TSPAN1: variants seen among roughly 807,000 people sequenced by gnomAD.
TSPAN1 encodes tetraspanin-1.
A neutral mutation model predicts 26.9 loss-of-function variants in TSPAN1; 23 were observed. That is an observed-to-expected ratio of 0.85 (90% CI 0.62 to 1.21). TSPAN1 has a LOEUF of 1.21. Among genes scored for constraint, TSPAN1 ranks in the 50% most tolerant of loss-of-function variants. The pLI, the probability that TSPAN1 is intolerant of heterozygous loss-of-function variation, is 0.00. For missense variants in TSPAN1, 283 were observed against 298.4 expected (o/e 0.95, Z 0.38); for synonymous variants, 115 against 114.8 (o/e 1.00, Z -0.01).
chr1:46,180,104 G>A lies in TSPAN1; in HGVS notation c.-141-422G>A, dbSNP rs189142859. On this transcript the variant is annotated intron_variant, in intron 1 of 8. Coordinates refer to ENST00000372003, the MANE Select transcript of TSPAN1 (RefSeq NM_005727.4). ...GAATTTAGTGTGCGTGTGTGCGCAC[G>A]GACGCACACACACACATGCATTCAG... 2.3e-4 allele frequency among the ~76,000 whole-genome samples: 35 copies of A among 152,268 alleles called. No homozygotes were observed. In the East Asian group the frequency reaches 3.3e-3, roughly 14 times the overall value.
the TSPAN1 span, chr1:46,196,173 A>C: frequency 3.8e-6 from 6 of 1,585,796 alleles, no homozygotes; most frequent in East Asian, 2.3e-5. This position sits in a 1 kb window ranked among gnomAD's most constrained non-coding sequence, Gnocchi z 4.4. Context: ...TTGAAACATC[A>C]CCTCCTGCCT....
At position 46,185,657 on chromosome 1, in the gene TSPAN1, C is replaced by T; in HGVS notation, c.*124C>T. ...TGTCACTTGGGCCAGAATGGACCTG[C>T]CCTTTCTGCTCCAGACTTGGGGCTA... On this transcript the variant is annotated 3_prime_UTR_variant, in exon 9 of 9. Coordinates refer to ENST00000372003, the MANE Select transcript of TSPAN1 (RefSeq NM_005727.4). 3 of 1,113,708 alleles carry T rather than the reference C, an allele frequency of 2.7e-6. No individual in the cohort carries two copies. Among genetic ancestry groups the T allele is most frequent in the East Asian group, 2.4e-5 (1 of 42,482 alleles). The allele number at this position is 1,113,708 out of a possible 1,614,324, so 69.0% of individuals were successfully genotyped here. A position where few individuals can be genotyped will look rare whatever the true frequency, so the allele number is the denominator to read the frequency against.
At chr1:46,194,334 C>T in the TSPAN1 span, 1 of 1,614,226 alleles carries the variant, frequency 6.2e-7, no homozygotes, top group African/African-American at 1.3e-5. Flanking sequence ...TTCCATAGCC[C>T]TCAACTTTGC....
the TSPAN1 span, chr1:46,194,648 G>C: frequency 1.4e-5 from 23 of 1,614,248 alleles, no homozygotes; most frequent in Non-Finnish European, 1.9e-5. Flanking sequence ...CCCGAAGACA[G>C]GACCTGGCAG....
downstream of TSPAN1, chr1:46,190,447 T>C (rs1657672116): frequency 6.4e-7 from 1 of 1,563,100 alleles, no homozygotes; most frequent in East Asian, 2.2e-5. Context: ...TGCTCCCTGC[T>C]ACACCCCAAT....
chr1:46,190,804 G>A, downstream of TSPAN1: 1 of 1,594,278 alleles, frequency 6.3e-7, no homozygotes, highest in Non-Finnish European at 8.6e-7. Context: ...GTATGAGAGT[G>A]AAAATCAGCA....
At chr1:46,178,308 G>T (rs551238778) in intron 1 of TSPAN1, among the ~76,000 whole-genome samples, 1 of 151,402 alleles carries the variant, frequency 6.6e-6, no homozygotes, top group Non-Finnish European at 1.5e-5. Flanking sequence ...AGTGAGCCAA[G>T]ATTGCGCCAC....
chr1:46,176,299 G>GGATT (rs1657157117), intron 1 of TSPAN1: 1 of 1,535,808 alleles, frequency 6.5e-7, no homozygotes. Flanking sequence ...CCTGGTGGCA[G>GGATT]GATTGATGGC....
At chr1:46,178,129 G>T (rs556339339) in intron 1 of TSPAN1, among the ~76,000 whole-genome samples, 14 of 152,254 alleles carry the variant, frequency 9.2e-5, no homozygotes, top group Non-Finnish European at 2.1e-4. Context: ...GCCCGAGGTG[G>T]GTGGATGACT....
At chr1:46,194,037 G>A in the TSPAN1 span, 1 of 1,562,654 alleles carries the variant, frequency 6.4e-7, no homozygotes, top group Non-Finnish European at 8.7e-7. Flanking sequence ...AGACAGGGAA[G>A]GGATAGAGGA....
chr1:46,183,789 C>T (rs988462427), intron 3 of TSPAN1: 2 of 275,490 alleles, frequency 7.3e-6, no homozygotes, highest in African/African-American at 4.6e-5. Context: ...CTGCTACCAC[C>T]CCCGTCTCCA....
At position 46,185,735 on chromosome 1, in the gene TSPAN1, G is replaced by A; in HGVS notation, c.*202G>A. ...CCTGACTTTCCTTCCATTGGTGGGT[G>A]GATGGGTGGGGGGCATTCCAGAGCC... On this transcript the variant is annotated 3_prime_UTR_variant, in exon 9 of 9. Coordinates refer to ENST00000372003, the MANE Select transcript of TSPAN1 (RefSeq NM_005727.4). The A allele has an allele frequency of 3.2e-6, 2 of 630,874 alleles. No individual in the cohort carries two copies. The highest frequency in any genetic ancestry group is 5.5e-6 in the Non-Finnish European group (2 of 360,746). The allele number at this position is 630,874 out of a possible 1,614,324, so 39.1% of individuals were successfully genotyped here. A position where few individuals can be genotyped will look rare whatever the true frequency, so the allele number is the denominator to read the frequency against.
rs1288196575 is a variant in TSPAN1 at position 46,185,677 on chromosome 1, G to C, written c.*144G>C. On this transcript the variant is annotated 3_prime_UTR_variant, in exon 9 of 9. Transcript: ENST00000372003. ...ACCTGCCCTTTCTGCTCCAGACTTGGGGCTAGATAGGGACCACTCCTTTTA... is the reference window on the plus strand; with the variant it reads ...ACCTGCCCTTTCTGCTCCAGACTTGCGGCTAGATAGGGACCACTCCTTTTA... 1.1e-6 allele frequency: 1 copy of C among 893,108 alleles called. No homozygotes were observed. Among genetic ancestry groups the C allele is most frequent in the African/African-American group, 1.7e-5 (1 of 60,512 alleles). 55.3% of individuals were successfully genotyped at this position (893,108 alleles called of 1,614,324 possible).
At chr1:46,184,003 T>C (rs1657368362) in intron 3 of TSPAN1, 188 bp from the exon 4 acceptor site, 5 of 632,484 alleles carry the variant, frequency 7.9e-6, no homozygotes, top group Non-Finnish European at 1.4e-5. Context: ...AGCCTGGTCC[T>C]AGCTATGCAT....
the TSPAN1 span, chr1:46,192,721 ACT>A: frequency 6.3e-7 from 1 of 1,597,316 alleles, no homozygotes; most frequent in Non-Finnish European, 8.5e-7. Flanking sequence ...CCAAATCCCC[ACT>A]GTCTCCATTC....
chr1:46,186,488 CTT>C (rs751253861), downstream of TSPAN1, among the ~76,000 whole-genome samples: 1,586 of 130,040 alleles, frequency 0.012, 33 homozygotes, highest in African/African-American at 0.043. Flanking sequence ...CTTTTCTTTT[CTT>C]TTTTTTTTTT....
chr1:46,191,683 G>A, the TSPAN1 span: 2 of 294,138 alleles, frequency 6.8e-6, no homozygotes, highest in African/African-American at 4.4e-5. Flanking sequence ...CACCTAGGCT[G>A]GAGTGCAGTG....
At chr1:46,186,385 C>G (rs569898896), downstream of TSPAN1, among the ~76,000 whole-genome samples, 1 of 152,154 alleles carries the variant, frequency 6.6e-6, no homozygotes, top group Non-Finnish European at 1.5e-5. Context: ...AGGCAAAACC[C>G]CAGATCTGTC....
At chr1:46,177,357 ATCTATC>A (rs1557663312) in intron 1 of TSPAN1, among the ~76,000 whole-genome samples, 1 of 102,076 alleles carries the variant, frequency 9.8e-6, no homozygotes, top group Admixed American at 1.1e-4. Context: ...AAATATATCT[ATCTATC>A]TATCTATCTA....
Sources: allele counts gnomAD v4.1 joint callset (sites outside exome capture counted in the v4.1 genomes callset), GRCh38; gene constraint gnomAD v4.1.1; non-coding constraint Gnocchi (gnomAD v3.1); transcripts MANE v1.5; gene names NCBI Gene and HGNC (gene_info 2026-07-23, HGNC 2026-07-21).